OPCML: variants seen among roughly 807,000 people sequenced by gnomAD.
OPCML encodes the protein opioid binding protein/cell adhesion molecule like.
OPCML carries 13 observed loss-of-function variants against 37.8 expected under a neutral mutation model. That is an observed-to-expected ratio of 0.34 (90% CI 0.22 to 0.55). The LOEUF is 0.55. OPCML is among the 20% of genes least tolerant of loss of function. OPCML has a pLI of 0.91. For synonymous variants in OPCML, 176 were observed against 168.8 expected (o/e 1.04, Z -0.33); for missense variants, 341 against 435.6 (o/e 0.78, Z 1.93).
At chr11:132,927,032 G>A (rs953535702) in intron 2 of OPCML, among the ~76,000 whole-genome samples, 1 of 151,932 alleles carries the variant, frequency 6.6e-6, no homozygotes. Context: ...GAAGAAATGG[G>A]AATAAAGCCT....
At chr11:132,738,979 G>GA (rs905630923) in intron 2 of OPCML, among the ~76,000 whole-genome samples, 32 of 151,632 alleles carry the variant, frequency 2.1e-4, no homozygotes, top group Admixed American at 1.2e-3. Context: ...ACAGCAGATG[G>GA]AAAAAAAAGC....
At chr11:132,438,492 A>G (rs549795473) in intron 4 of OPCML, among the ~76,000 whole-genome samples, 19 of 152,050 alleles carry the variant, frequency 1.2e-4, no homozygotes, top group African/African-American at 4.3e-4. Context: ...GGGGTGGGCC[A>G]GTGTGTAGGA....
chr11:133,075,217 G>A lies in OPCML; in HGVS notation c.62-132207C>T, dbSNP rs533030544. ...TGACAGATATCAGAGGTGGCTGTAGGATCAATATTTCTATGGCATTGTCAG... is the reference window on the plus strand; with the variant it reads ...TGACAGATATCAGAGGTGGCTGTAGAATCAATATTTCTATGGCATTGTCAG... On this transcript the variant is annotated intron_variant, in intron 1 of 7. Transcript: ENST00000524381. Among the ~76,000 whole-genome samples, 35 of 152,310 alleles carry A rather than the reference G, an allele frequency of 2.3e-4. 1 individual carries two copies. The South Asian group carries it at 7.0e-3, about 31-fold the overall frequency.
rs77606535 is a variant in OPCML, at chr11:132,850,943, C to T, written c.146+91983G>A. 6.2e-3 allele frequency among the ~76,000 whole-genome samples: 945 copies of T among 152,266 alleles called. 12 individuals carry two copies. The highest frequency in any genetic ancestry group is 0.022 in the African/African-American group (902 of 41,534). On this transcript the variant is annotated intron_variant, in intron 2 of 7. Transcript: ENST00000524381. ...TATAGGCAAAGAAGATAATATAGAA[C>T]AGAGGTTATTCACTTGGGGCCCATA...
intron 2 of OPCML, among the ~76,000 whole-genome samples, chr11:132,806,908 C>CA (rs1288480013): frequency 1.3e-5 from 2 of 151,926 alleles, no homozygotes; most frequent in Non-Finnish European, 1.5e-5. Flanking sequence ...TTACAAGCAA[C>CA]AAAAAAGCAC....
chr11:133,053,044 T>C (rs886480038), intron 1 of OPCML, among the ~76,000 whole-genome samples: 3 of 152,234 alleles, frequency 2.0e-5, no homozygotes, highest in Admixed American at 6.5e-5. Flanking sequence ...TAACAACAGT[T>C]AAGAATTTCA....
intron 1 of OPCML, among the ~76,000 whole-genome samples, chr11:133,520,904 G>A (rs1948383646): frequency 1.3e-5 from 2 of 152,128 alleles, no homozygotes; most frequent in South Asian, 2.1e-4. Flanking sequence ...TGGGAAAAAA[G>A]AGGCAAACCA....
intron 1 of OPCML, among the ~76,000 whole-genome samples, chr11:133,529,984 C>T (rs1469393876): frequency 2.0e-5 from 3 of 152,140 alleles, no homozygotes; most frequent in African/African-American, 7.2e-5. Context: ...TACCGGGCTC[C>T]TGACACAATT....
At position 133,484,063 on chromosome 11, in the gene OPCML, TAGA is replaced by T. The variant is rs1565660010; in HGVS notation, c.61+48198_61+48200del. Among the ~76,000 whole-genome samples the T allele has an allele frequency of 7.6e-3, 1,142 of 150,978 alleles. 20 individuals carry two copies. Among genetic ancestry groups the T allele is most frequent in the African/African-American group, 0.026 (1,086 of 41,016 alleles). ...ATAGATAGATAGATAGATAGATAGA[TAGA>T]TAGATAGATAGATAGATTCATAGAT... On this transcript the variant is annotated intron_variant, in intron 1 of 7. Transcript: ENST00000524381.
chr11:133,096,019 C>G (rs1948996572), intron 1 of OPCML, among the ~76,000 whole-genome samples: 1 of 151,794 alleles, frequency 6.6e-6, no homozygotes, highest in South Asian at 2.1e-4. Context: ...AAAGGAAGTG[C>G]ACTGAAGAAT....
rs1212025503 is a variant in OPCML, at chr11:133,405,774, G to A, written c.61+126490C>T. 3.3e-5 allele frequency among the ~76,000 whole-genome samples: 5 copies of A among 152,114 alleles called. No homozygotes were observed. In the East Asian group the frequency reaches 9.7e-4, roughly 29 times the overall value. On this transcript the variant is annotated intron_variant, in intron 1 of 7. Transcript: ENST00000524381. ...TCCTGATCAGATTATGCCCATCCCT[G>A]AAGCAGTGATTGTTTCCTGCCTCTG...
intron 2 of OPCML, among the ~76,000 whole-genome samples, chr11:132,790,405 A>G (rs1046410268): frequency 2.6e-5 from 4 of 152,268 alleles, no homozygotes; most frequent in Non-Finnish European, 4.4e-5. Context: ...TAGGTGATAG[A>G]AATTTTAAAT....
At chr11:133,278,915 A>G (rs767743612) in intron 1 of OPCML, among the ~76,000 whole-genome samples, 53 of 152,178 alleles carry the variant, frequency 3.5e-4, no homozygotes, top group Non-Finnish European at 5.4e-4. Context: ...ACTTTAAGTA[A>G]CTTGACCACT....
At chr11:132,780,262 C>G (rs888262186) in intron 2 of OPCML, among the ~76,000 whole-genome samples, 1 of 152,204 alleles carries the variant, frequency 6.6e-6, no homozygotes, top group Admixed American at 6.5e-5. Flanking sequence ...CTGCTCCACA[C>G]TGTACGTGAG....
intron 4 of OPCML, among the ~76,000 whole-genome samples, chr11:132,455,762 A>AATTCATTC (rs61139767): frequency 0.091 from 13,641 of 150,492 alleles, 871 homozygotes; most frequent in East Asian, 0.25. Flanking sequence ...TTCTTTGTCA[A>AATTCATTC]ATTCATTCAT....
At chr11:132,861,044 A>C (rs1942279718) in intron 2 of OPCML, among the ~76,000 whole-genome samples, 1 of 152,252 alleles carries the variant, frequency 6.6e-6, no homozygotes, top group African/African-American at 2.4e-5. Context: ...AGATATTTTA[A>C]TTCACTGTAT....
At chr11:133,371,815 A>G (rs75368272) in intron 1 of OPCML, among the ~76,000 whole-genome samples, 1,636 of 152,370 alleles carry the variant, frequency 0.011, 19 homozygotes, top group African/African-American at 0.036. Context: ...AAGTAATTCT[A>G]TACGTACTGG....
At chr11:133,223,917 AC>A (rs1035030078) in intron 1 of OPCML, among the ~76,000 whole-genome samples, 3 of 152,144 alleles carry the variant, frequency 2.0e-5, no homozygotes, top group African/African-American at 7.2e-5. Flanking sequence ...ATCTGGGAAC[AC>A]CACCAACGTG....
intron 1 of OPCML, among the ~76,000 whole-genome samples, chr11:133,500,875 A>G (rs1221649449): frequency 6.6e-6 from 1 of 151,988 alleles, no homozygotes; most frequent in Admixed American, 6.5e-5. Flanking sequence ...GAAAGTAGAG[A>G]GGGAGGAGTC....
Sources: allele counts gnomAD v4.1 joint callset (sites outside exome capture counted in the v4.1 genomes callset), GRCh38; gene constraint gnomAD v4.1.1; transcripts MANE v1.5; gene names NCBI Gene and HGNC (gene_info 2026-07-23, HGNC 2026-07-21).